The following MYLK3 variants were observed in gnomAD, a reference collection of about 807,000 sequenced individuals.
MYLK3 encodes the protein MLC kinase.
Under a neutral mutation model 76.3 loss-of-function variants are expected in MYLK3, and 55 were observed. That is an observed-to-expected ratio of 0.72 (90% CI 0.58 to 0.90). The LOEUF (loss-of-function observed/expected upper bound fraction) is 0.90. Ranked by LOEUF, MYLK3 falls within the 40% of genes least tolerant of loss-of-function variation. The pLI is 0.00. For missense variants in MYLK3, 973 were observed against 1,053.6 expected, an observed-to-expected ratio of 0.92 and a Z score of 1.06; for synonymous variants, 416 against 425.4, an observed-to-expected ratio of 0.98 and a Z score of 0.27.
intron 10 of MYLK3, among the ~76,000 whole-genome samples, chr16:46,711,353 T>G (rs1286181392): frequency 1.3e-5 from 2 of 151,886 alleles, no homozygotes; most frequent in African/African-American, 4.8e-5. Context: ...AGACCAGAAG[T>G]AAAACATGAC....
At chr16:46,730,150 G>C (rs1482272636) in intron 5 of MYLK3, among the ~76,000 whole-genome samples, 23 of 52,108 alleles carry the variant, frequency 4.4e-4, no homozygotes, top group Admixed American at 8.5e-4. Context: ...CCCCCTCACC[G>C]CACACCACCT....
chr16:46,716,529 G>A (rs1596749746), intron 9 of MYLK3, among the ~76,000 whole-genome samples: 1 of 149,188 alleles, frequency 6.7e-6, no homozygotes, highest in South Asian at 2.1e-4. Context: ...GTGTGTGTGT[G>A]TGTGTATGTT....
chr16:46,746,580 C>T (rs890340590), intron 1 of MYLK3, among the ~76,000 whole-genome samples: 21 of 152,104 alleles, frequency 1.4e-4, no homozygotes, highest in African/African-American at 4.8e-4. Flanking sequence ...GCCACAATGC[C>T]TGGTAAATTT....
rs566913776 is a variant in MYLK3 at position 46,727,576 on chromosome 16, G to A, written c.1773-199C>T. 8.5e-4 allele frequency among the ~76,000 whole-genome samples: 129 copies of A among 152,226 alleles called. 1 individual carries two copies. The highest frequency in any genetic ancestry group is 1.3e-3 in the Non-Finnish European group (89 of 68,044). Reference sequence around the variant, plus strand: ...GAGTCTCACCCTGTCGCCCAGGCTGGAGTGCAGTGGCGCGATCTCTGCTCA... The same window carrying A: ...GAGTCTCACCCTGTCGCCCAGGCTGAAGTGCAGTGGCGCGATCTCTGCTCA... On this transcript the variant is annotated intron_variant, in intron 7 of 12. Transcript: ENST00000394809.
chr16:46,746,302 C>A (rs1397077526), intron 1 of MYLK3, among the ~76,000 whole-genome samples: 1 of 152,054 alleles, frequency 6.6e-6, no homozygotes, highest in African/African-American at 2.4e-5. Flanking sequence ...AAAGAAAAAC[C>A]TGTACATGCT....
Position 46,707,650 on chromosome 16 carries a change from C to T in MYLK3, c.*54G>A, listed in dbSNP as rs762054821. On this transcript the variant is annotated 3_prime_UTR_variant, in exon 13 of 13. Transcript: ENST00000394809. ...TTTAAATGTTTGAGTCATCTCTTCACTTCACCACTGGCCTCAGTAATTTCT... is the reference window on the plus strand; with the variant it reads ...TTTAAATGTTTGAGTCATCTCTTCATTTCACCACTGGCCTCAGTAATTTCT... 6.9e-5 allele frequency: 86 copies of T among 1,253,584 alleles called. No homozygotes were observed. The highest frequency in any genetic ancestry group is 9.2e-5 in the Non-Finnish European group (80 of 874,088). 77.7% of individuals were successfully genotyped at this position (1,253,584 alleles called of 1,614,324 possible). A position where few individuals can be genotyped will look rare whatever the true frequency, so the allele number is the denominator to read the frequency against.
chr16:46,721,864 T>C (rs1031994783), intron 8 of MYLK3, among the ~76,000 whole-genome samples: 2 of 152,124 alleles, frequency 1.3e-5, no homozygotes, highest in South Asian at 2.1e-4. Context: ...CCCAATGTTA[T>C]ACTGGAATGC....
intron 4 of MYLK3, 108 bp downstream of exon 4, chr16:46,732,100 G>T: frequency 1.1e-6 from 1 of 951,568 alleles, no homozygotes; most frequent in Non-Finnish European, 1.5e-6. Context: ...GACGCCCCCA[G>T]ACTCATATGA....
In MYLK3 at chr16:46,730,610, C is replaced by T; in HGVS notation, c.1551G>A (p.Gln517=). ...CCACCTACCCTCCCAAGACTTCGTG[C>T]TGGCACACCTCGTAACCCGCAGAGA... ...TSISAGYEVC[Q]HEVLGGGRFG... The change falls in exon 5 of 13, where the codon CAG becomes CAA. Residue 517 remains glutamine (Q), a synonymous_variant. Transcript: ENST00000394809. 1.2e-6 allele frequency: 2 copies of T among 1,614,052 alleles called. No homozygotes were observed. The highest frequency in any genetic ancestry group is 1.7e-4 in the Middle Eastern group (1 of 6,056).
At chr16:46,708,981 A>G (rs1221819481) in intron 12 of MYLK3, among the ~76,000 whole-genome samples, 1 of 152,226 alleles carries the variant, frequency 6.6e-6, no homozygotes, top group African/African-American at 2.4e-5. Context: ...TGTCACTTCA[A>G]GTGTCCATAT....
intron 10 of MYLK3, among the ~76,000 whole-genome samples, chr16:46,711,252 G>A (rs953677702): frequency 1.3e-5 from 2 of 152,138 alleles, no homozygotes; most frequent in South Asian, 2.1e-4. Context: ...ACACCCTGAC[G>A]GCCAGCCTCA....
intron 1 of MYLK3, among the ~76,000 whole-genome samples, chr16:46,756,635 G>A (rs751884234): frequency 2.3e-4 from 35 of 152,182 alleles, no homozygotes; most frequent in Non-Finnish European, 3.4e-4. Context: ...AATCATATAT[G>A]ATGACGATTT....
rs1966638609 is a variant in MYLK3, at chr16:46,707,595, T to C, written c.*109A>G. ...GCCATAACCATTTTTACAAAATAAG[T>C]GGAATCAATAATACCAAAAAGCCAA... On this transcript the variant is annotated 3_prime_UTR_variant, in exon 13 of 13. Transcript: ENST00000394809. The C allele has an allele frequency of 7.4e-6, 5 of 675,830 alleles. No homozygotes were observed. In the South Asian group the frequency reaches 1.1e-4, roughly 15 times the overall value. 41.9% of individuals were successfully genotyped at this position (675,830 alleles called of 1,614,324 possible).
At chr16:46,758,294 A>ACT (rs1567294824) in intron 1 of MYLK3, among the ~76,000 whole-genome samples, 3 of 58,322 alleles carry the variant, frequency 5.1e-5, no homozygotes, top group East Asian at 1.1e-3. Flanking sequence ...ACACACACAC[A>ACT]CACACACACA....
chr16:46,712,958 T>C (rs1966699486), intron 9 of MYLK3, among the ~76,000 whole-genome samples, 182 bp from the exon 10 acceptor site: 1 of 152,220 alleles, frequency 6.6e-6, no homozygotes, highest in Non-Finnish European at 1.5e-5. Flanking sequence ...CCCAAACTTC[T>C]GGCTTTTCTA....
intron 9 of MYLK3, among the ~76,000 whole-genome samples, chr16:46,716,499 G>A (rs78657620): frequency 9.3e-4 from 11 of 11,872 alleles, no homozygotes; most frequent in South Asian, 0.01. Flanking sequence ...GTATATATAT[G>A]TGTGTGTGTG....
chr16:46,727,350 C>T lies in MYLK3; in HGVS notation c.1800G>A (p.Arg600=). 3 of 1,613,054 alleles carry T rather than the reference C, an allele frequency of 1.9e-6. No homozygotes were observed. Among genetic ancestry groups the T allele is most frequent in the Non-Finnish European group, 2.5e-6 (3 of 1,179,172 alleles). Residue 600 remains arginine, a synonymous_variant, in exon 8 of 13, where the codon CGG becomes CGA. Transcript: ENST00000394809. Reference sequence around the variant, plus strand: ...TCAGGTGGTACTTCTCATCTGTGATCCGGTCGAAGAGCTCACCCCCGTCCA... The same window carrying T: ...TCAGGTGGTACTTCTCATCTGTGATTCGGTCGAAGAGCTCACCCCCGTCCA... ...EYVDGGELFD[R]ITDEKYHLTE... is the part of the protein sequence containing the mutation.
intron 8 of MYLK3, 105 bp from the exon 9 acceptor site, chr16:46,721,298 T>C (rs1401598031): frequency 3.8e-6 from 4 of 1,041,162 alleles, no homozygotes; most frequent in Non-Finnish European, 6.0e-6. Context: ...GGGACATGAA[T>C]GGCTCAGGGC....
In MYLK3 at chr16:46,732,649, C is replaced by A; in HGVS notation, c.1021G>T (p.Glu341Ter). 1 of 1,526,254 alleles carries A rather than the reference C, an allele frequency of 6.6e-7. No individual in the cohort carries two copies. The highest frequency in any genetic ancestry group is 1.2e-5 in the South Asian group (1 of 80,064). 94.5% of individuals were successfully genotyped at this position (1,526,254 alleles called of 1,614,324 possible). A position where few individuals can be genotyped will look rare whatever the true frequency, so the allele number is the denominator to read the frequency against. ...AGCATCTCCCCAGGAGTATCCATCT[C>A]TTGTATGTGGATGGAGATCCTGGGG... ...TPPRISIHIQEMDTPGEMLMT... is the reference protein window; with the variant it reads ...TPPRISIHIQ The change falls in exon 4 of 13, where the codon GAG becomes TAG. Residue 341 changes from glutamate (E) to a stop codon, truncating the protein, a stop_gained. Transcript: ENST00000394809. LOFTEE classifies it high-confidence loss of function.
Sources: gnomAD v4.1 joint callset for allele counts (sites outside exome capture counted in the v4.1 genomes callset) on GRCh38, gnomAD v4.1.1 for gene constraint, MANE v1.5 for transcripts, NCBI Gene and HGNC (gene_info 2026-07-23, HGNC 2026-07-21) for gene names.